Variants in ABCB7 observed in about 807,000 individuals in gnomAD.
ABCB7 encodes the protein ATP binding cassette subfamily B member 7, also known as iron-sulfur clusters transporter ABCB7, mitochondrial.
In ABCB7, 7 loss-of-function variants were observed where a neutral mutation model predicts 54.4. That is an observed-to-expected ratio of 0.13 (90% CI 0.07 to 0.24). The LOEUF is 0.24. Among genes scored for constraint, ABCB7 ranks in the 10% least tolerant of loss-of-function variants. The pLI is 1.00. For synonymous variants in ABCB7, 218 were observed against 207.1 expected (o/e 1.05, Z -0.45); for missense variants, 356 against 570.4 (o/e 0.62, Z 3.83).
At chrX:75,119,805 T>C (rs1053664215) in intron 1 of ABCB7, among the ~76,000 whole-genome samples, 5 of 112,065 alleles carry the variant, frequency 4.5e-5, no homozygotes, top group Admixed American at 9.5e-5. Context: ...TACAATTGTA[T>C]GCCACAGAAG....
chrX:75,085,828 C>T (rs374647692), intron 4 of ABCB7, among the ~76,000 whole-genome samples: 4 of 107,418 alleles, frequency 3.7e-5, no homozygotes, highest in African/African-American at 1.4e-4. Context: ...ACTAAGTACA[C>T]GAGAAATAAA....
chrX:75,097,198 G>A (rs1052757937), intron 4 of ABCB7, among the ~76,000 whole-genome samples: 23 of 111,245 alleles, frequency 2.1e-4, no homozygotes, highest in African/African-American at 7.5e-4. Flanking sequence ...GCTTATTTCC[G>A]AATTCTCTGA....
intron 4 of ABCB7, among the ~76,000 whole-genome samples, chrX:75,092,205 T>C (rs775865264): frequency 9.0e-6 from 1 of 111,208 alleles, no homozygotes; most frequent in East Asian, 2.8e-4. Flanking sequence ...CCTGACAGTA[T>C]GGTACTGGTC....
At chrX:75,137,767 G>A (rs761058510) in intron 1 of ABCB7, among the ~76,000 whole-genome samples, 2 of 111,919 alleles carry the variant, frequency 1.8e-5, no homozygotes, top group African/African-American at 6.5e-5. Flanking sequence ...GCTAACAGAC[G>A]TAAAGAGAAA....
intron 12 of ABCB7, 92 bp downstream of exon 12, chrX:75,068,915 A>G (rs1179581933): frequency 4.0e-6 from 4 of 1,003,814 alleles, no homozygotes; most frequent in Non-Finnish European, 4.2e-6. Context: ...CTTCAGTAGC[A>G]TATGTTGATC....
chrX:75,126,397 C>A (rs1243710530), intron 1 of ABCB7, among the ~76,000 whole-genome samples: 2 of 111,582 alleles, frequency 1.8e-5, no homozygotes, highest in African/African-American at 3.3e-5. Flanking sequence ...TGGGACACAG[C>A]TAAAGCAGTG....
chrX:75,089,920 T>A, intron 4 of ABCB7, among the ~76,000 whole-genome samples: 1 of 110,460 alleles, frequency 9.1e-6, no homozygotes, highest in Admixed American at 9.6e-5. Flanking sequence ...TTAACCCTTA[T>A]CAAAGCTAAG....
intron 3 of ABCB7, among the ~76,000 whole-genome samples, chrX:75,110,022 G>A (rs926806589): frequency 8.9e-6 from 1 of 112,048 alleles, no homozygotes; most frequent in Non-Finnish European, 1.9e-5. Flanking sequence ...ATATGTATGA[G>A]TTGTCAGGAA....
At chrX:75,061,259 C>T (rs2081280371) in intron 14 of ABCB7, among the ~76,000 whole-genome samples, 1 of 111,560 alleles carries the variant, frequency 9.0e-6, no homozygotes, top group African/African-American at 3.3e-5. Context: ...TTTACCACAT[C>T]TTCTAATAAC....
At chrX:75,155,130 C>A (rs1011644445) in intron 1 of ABCB7, among the ~76,000 whole-genome samples, 1 of 112,749 alleles carries the variant, frequency 8.9e-6, no homozygotes, top group African/African-American at 3.2e-5. Flanking sequence ...ATGCATAGAT[C>A]CAATCTCCTT....
chrX:75,080,407 C>T (rs765301173), intron 4 of ABCB7, among the ~76,000 whole-genome samples: 9 of 111,524 alleles, frequency 8.1e-5, no homozygotes, highest in East Asian at 2.8e-4. Flanking sequence ...CGGGTTCAAG[C>T]GATTCTCCTG....
rs992777106 is a variant in ABCB7, at chrX:75,051,468, C to T, written c.*1902G>A. On this transcript the variant is annotated 3_prime_UTR_variant, in exon 16 of 16. Transcript: ENST00000373394. ...CTTATTACATAGTTATGTGGCCATT[C>T]ATGAGGTGCATATGTTTTCAAATTG... 4.5e-5 allele frequency: 5 copies of T among 112,034 alleles called. No individual in the cohort carries two copies. The highest frequency in any genetic ancestry group is 1.6e-4 in the African/African-American group (5 of 30,847). The allele number at this position is 112,034 out of a possible 1,213,427, so 9.2% of individuals were successfully genotyped here.
intron 1 of ABCB7, among the ~76,000 whole-genome samples, chrX:75,154,033 G>T (rs1054907053): frequency 8.2e-5 from 9 of 109,853 alleles, no homozygotes; most frequent in Non-Finnish European, 1.5e-4. Context: ...TCACAAATTT[G>T]CAGGTACCTC....
chrX:75,102,741 A>G (rs141619707), intron 3 of ABCB7, among the ~76,000 whole-genome samples: 1 of 111,665 alleles, frequency 9.0e-6, no homozygotes, highest in Admixed American at 9.5e-5. Context: ...ACTGTTTTTC[A>G]TAGTGGCTGT....
At chrX:75,123,245 T>C (rs976262039) in intron 1 of ABCB7, among the ~76,000 whole-genome samples, 1 of 111,820 alleles carries the variant, frequency 8.9e-6, no homozygotes, top group Non-Finnish European at 1.9e-5. Context: ...TTCTTTTGCA[T>C]GTGGATATCC....
rs898267440 is a variant in ABCB7, at chrX:75,104,501, C to T, written c.334-5440G>A. On this transcript the variant is annotated intron_variant, in intron 3 of 15. Transcript: ENST00000373394. Reference sequence around the variant, plus strand: ...TCCCAAGATTGAATGAGGAAAAAAACAGAAATACAGAACCCACCAACAATG... The same window carrying T: ...TCCCAAGATTGAATGAGGAAAAAAATAGAAATACAGAACCCACCAACAATG... Among the ~76,000 whole-genome samples the T allele has an allele frequency of 4.5e-5, 5 of 109,903 alleles. No individual in the cohort carries two copies. The Admixed American group carries it at 4.9e-4, about 11-fold the overall frequency.
intron 4 of ABCB7, among the ~76,000 whole-genome samples, chrX:75,084,958 A>C (rs759159984): frequency 8.9e-6 from 1 of 112,465 alleles, no homozygotes; most frequent in Non-Finnish European, 1.9e-5. Flanking sequence ...CCAAGTGTTG[A>C]CAAAGAAGCA....
chrX:75,113,063 T>C, intron 2 of ABCB7, 91 bp from the exon 3 acceptor site: 2 of 755,864 alleles, frequency 2.6e-6, no homozygotes, highest in Non-Finnish European at 4.1e-6. Flanking sequence ...CTAATGAACG[T>C]TTCCAAAACA....
chrX:75,089,163 T>C (rs1478827042), intron 4 of ABCB7, among the ~76,000 whole-genome samples: 2 of 111,795 alleles, frequency 1.8e-5, no homozygotes, highest in South Asian at 3.7e-4. Context: ...TGCTAGTACA[T>C]GGATCTTGCA....
Sources: gnomAD v4.1 joint callset for allele counts (sites outside exome capture counted in the v4.1 genomes callset) on GRCh38, gnomAD v4.1.1 for gene constraint, MANE v1.5 for transcripts, NCBI Gene and HGNC (gene_info 2026-07-23, HGNC 2026-07-21) for gene names.